Variants in ZNF841 observed in about 807,000 individuals in gnomAD.
ZNF841 encodes zinc finger protein 841.
In ZNF841, 11 loss-of-function variants were observed where a neutral mutation model predicts 13.0. The observed-to-expected ratio is 0.85, with a 90% CI of 0.53 to 1.40. The LOEUF (loss-of-function observed/expected upper bound fraction) is 1.40. Ranked by LOEUF, ZNF841 falls within the 40% of genes most tolerant of loss-of-function variation. The pLI, the probability that ZNF841 is intolerant of heterozygous loss-of-function variation, is 0.00. For missense variants in ZNF841, 1,068 were observed against 1,139.5 expected (o/e 0.94, Z 0.90); for synonymous variants, 369 against 381.6 (o/e 0.97, Z 0.38).
chr19:52,093,801 T>C (rs2088583357), intron 2 of ZNF841, 45 bp downstream of exon 2: 1 of 152,072 alleles, frequency 6.6e-6, no homozygotes, highest in Non-Finnish European at 1.5e-5. Context: ...AAAAGTAAAT[T>C]CATTACAAAA....
chr19:52,083,484 T>C (rs576443202), intron 4 of ZNF841, among the ~76,000 whole-genome samples: 1 of 151,402 alleles, frequency 6.6e-6, no homozygotes, highest in Non-Finnish European at 1.5e-5. Context: ...CTAAAAAAAA[T>C]AAAAATTCTT....
At chr19:52,088,821 C>T (rs2088376593) in intron 3 of ZNF841, 116 bp downstream of exon 3, 1 of 152,140 alleles carries the variant, frequency 6.6e-6, no homozygotes, top group Non-Finnish European at 1.5e-5. Context: ...ATACGATAAA[C>T]TCTGAATAAC....
chr19:52,066,428 T>C lies in ZNF841; in HGVS notation c.1454A>G (p.Tyr485Cys), dbSNP rs539563380. 22 of 1,613,924 alleles carry C rather than the reference T, an allele frequency of 1.4e-5. No homozygotes were observed. The highest frequency in any genetic ancestry group is 1.9e-5 in the Non-Finnish European group (22 of 1,179,982). Residue 485 changes from tyrosine to cysteine, a missense_variant, in exon 7 of 7, where the codon TAC (tyrosine) becomes TGC (cysteine). By Grantham distance (194) the Tyr-to-Cys change is radical. Coordinates refer to ENST00000594440, the MANE Select transcript of ZNF841 (RefSeq NM_001136499.2). The part of the protein sequence containing the change: ...HRRIHTGEKP[Y>C]KCNECGKVFS... ...GACCTTGCCACATTCATTACATTTG[T>C]AGGGTTTCTCTCCAGTATGAATTCT...
At chr19:52,080,643 G>A (rs1451622486) in intron 4 of ZNF841, among the ~76,000 whole-genome samples, 6 of 152,212 alleles carry the variant, frequency 3.9e-5, no homozygotes, top group Non-Finnish European at 5.9e-5. Context: ...AGTGTGTGCA[G>A]TAACACAGAC....
At chr19:52,092,267 CA>C (rs2088521477) in intron 2 of ZNF841, among the ~76,000 whole-genome samples, 2 of 152,064 alleles carry the variant, frequency 1.3e-5, no homozygotes, top group African/African-American at 4.8e-5. Context: ...GGTTAATATC[CA>C]AAATATATAA....
intron 3 of ZNF841, among the ~76,000 whole-genome samples, chr19:52,085,196 C>T (rs1366542373): frequency 6.6e-6 from 1 of 152,180 alleles, no homozygotes; most frequent in African/African-American, 2.4e-5. Context: ...CTGTGGATCA[C>T]AGGCTGAGCT....
At chr19:52,093,115 CA>C (rs1006401992) in intron 2 of ZNF841, among the ~76,000 whole-genome samples, 4 of 150,180 alleles carry the variant, frequency 2.7e-5, no homozygotes, top group Non-Finnish European at 5.9e-5. Context: ...GGCTCTGTCT[CA>C]AAAAAAAAGA....
chr19:52,060,040 CAAG>C (rs1177805007), downstream of ZNF841, among the ~76,000 whole-genome samples: 1 of 152,184 alleles, frequency 6.6e-6, no homozygotes, highest in Non-Finnish European at 1.5e-5. Flanking sequence ...CATTTGGACC[CAAG>C]AAGATTCTGT....
chr19:52,067,909 C>G lies in ZNF841; in HGVS notation c.272-299G>C, dbSNP rs8101907. ...ACAAGTATTTTGCAATCGCTGACCC[C>G]AAATGACACACCAATTGGCAGTAAA... On this transcript the variant is annotated intron_variant, in intron 6 of 6. Coordinates refer to ENST00000594440, the MANE Select transcript of ZNF841 (RefSeq NM_001136499.2). 1.8e-3 allele frequency among the ~76,000 whole-genome samples: 276 copies of G among 152,130 alleles called. 1 individual carries two copies. Among genetic ancestry groups the G allele is most frequent in the African/African-American group, 6.4e-3 (264 of 41,494 alleles).
Position 52,089,000 on chromosome 19 carries a change from C to T in ZNF841, c.-141G>A, listed in dbSNP as rs2088383636. ...AAGATAAATTAATCTGGTGTAAGGA[C>T]CACTGTTAAAAGAGAAAATTCATGA... On this transcript the variant is annotated splice_region_variant and 5_prime_UTR_variant, in exon 3 of 7. Transcript: ENST00000594440. 6.6e-6 allele frequency: 1 copy of T among 152,154 alleles called. No individual in the cohort carries two copies. The highest frequency in any genetic ancestry group is 2.4e-5 in the African/African-American group (1 of 41,424). 9.4% of individuals were successfully genotyped at this position (152,154 alleles called of 1,614,324 possible). A position where few individuals can be genotyped will look rare whatever the true frequency, so the allele number is the denominator to read the frequency against.
downstream of ZNF841, among the ~76,000 whole-genome samples, chr19:52,061,709 T>TGTA (rs2087401118): frequency 6.6e-6 from 1 of 151,910 alleles, no homozygotes; most frequent in African/African-American, 2.4e-5. Flanking sequence ...ACCATGCCCA[T>TGTA]CTAATTTTGT....
Position 52,065,970 on chromosome 19 carries a change from A to G in ZNF841, c.1912T>C (p.Ser638Pro), listed in dbSNP as rs2087542313. The part of the protein sequence containing the change: ...NECGKVFSYY[S>P]CLARHRKIHT... Reference sequence around the variant, plus strand: ...ATTTTCCGATGACGTGCTAGGCATGAGTAGTAACTGAAGACCTTGCCGCAT... The same window carrying G: ...ATTTTCCGATGACGTGCTAGGCATGGGTAGTAACTGAAGACCTTGCCGCAT... Residue 638 changes from serine (S) to proline (P), a missense_variant, in exon 7 of 7, where the codon TCA becomes CCA. By Grantham distance (74) the Ser-to-Pro change is moderately conservative (BLOSUM62 -1). Coordinates refer to ENST00000594440, the MANE Select transcript of ZNF841 (RefSeq NM_001136499.2). The G allele has an allele frequency of 6.2e-7, 1 of 1,614,074 alleles. No homozygotes were observed. The highest frequency in any genetic ancestry group is 1.3e-5 in the African/African-American group (1 of 74,950).
intron 4 of ZNF841, among the ~76,000 whole-genome samples, chr19:52,080,343 T>G (rs576052775): frequency 6.6e-6 from 1 of 151,926 alleles, no homozygotes; most frequent in South Asian, 2.1e-4. Flanking sequence ...AGTTAGGAGG[T>G]TTCTACACCT....
At chr19:52,076,758 T>TAATGTACA in intron 5 of ZNF841, 200 bp downstream of exon 5, 1 of 521,436 alleles carries the variant, frequency 1.9e-6, no homozygotes. Flanking sequence ...GAGTCACCAC[T>TAATGTACA]AATGTACAAA....
At chr19:52,079,208 C>T (rs1458101845) in intron 4 of ZNF841, among the ~76,000 whole-genome samples, 6 of 151,826 alleles carry the variant, frequency 4.0e-5, no homozygotes, top group Non-Finnish European at 8.8e-5. Flanking sequence ...TATCTAAGTG[C>T]AATTTTATCC....
the ZNF841 span, among the ~76,000 whole-genome samples, chr19:52,059,305 G>A: frequency 3.6e-5 from 5 of 139,050 alleles, no homozygotes; most frequent in East Asian, 2.2e-4. Context: ...AGCTGAGATC[G>A]CGCCGCTGCA....
chr19:52,087,743 T>C (rs2088325100), intron 3 of ZNF841, among the ~76,000 whole-genome samples: 1 of 152,002 alleles, frequency 6.6e-6, no homozygotes, highest in Non-Finnish European at 1.5e-5. Flanking sequence ...CCCAGCACTT[T>C]GGGAGGCTGA....
chr19:52,059,390 T>TATATACACACACACACACACAC, the ZNF841 span, among the ~76,000 whole-genome samples: 1 of 96,386 alleles, frequency 1.0e-5, no homozygotes, highest in African/African-American at 4.2e-5. Flanking sequence ...TATATATATA[T>TATATACACACACACACACACAC]ACACACACAC....
At chr19:52,077,598 C>T (rs1050916997) in intron 4 of ZNF841, among the ~76,000 whole-genome samples, 6 of 152,210 alleles carry the variant, frequency 3.9e-5, no homozygotes, top group African/African-American at 1.4e-4. Flanking sequence ...TTCTTCCCAT[C>T]TTACTAGAAG....
Sources: allele counts gnomAD v4.1 joint callset (sites outside exome capture counted in the v4.1 genomes callset), GRCh38; gene constraint gnomAD v4.1.1; transcripts MANE v1.5; gene names NCBI Gene and HGNC (gene_info 2026-07-23, HGNC 2026-07-21).